The following PHLPP1 variants were observed in gnomAD, a reference collection of about 807,000 sequenced individuals.
PHLPP1 encodes PH domain leucine-rich repeat-containing protein phosphatase 1.
PHLPP1 carries 42 observed loss-of-function variants against 117.2 expected under a neutral mutation model. That is an observed-to-expected ratio of 0.36 (90% CI 0.28 to 0.46). The LOEUF is 0.46. Ranked by LOEUF, PHLPP1 falls within the 20% of genes least tolerant of loss-of-function variation. PHLPP1 has a pLI of 1.00. For missense variants in PHLPP1, 2,084 were observed against 2,241.9 expected (o/e 0.93, Z 1.42); for synonymous variants, 1,042 against 970.7 (o/e 1.07, Z -1.37).
intron 3 of PHLPP1, among the ~76,000 whole-genome samples, chr18:62,851,500 G>A (rs1021908726): frequency 6.6e-6 from 1 of 151,898 alleles, no homozygotes; most frequent in South Asian, 2.1e-4. Context: ...TTGCTCTGTC[G>A]CCTAGGCTGG....
intron 4 of PHLPP1, among the ~76,000 whole-genome samples, chr18:62,864,430 A>C (rs1915718516): frequency 6.6e-6 from 1 of 152,184 alleles, no homozygotes; most frequent in African/African-American, 2.4e-5. Flanking sequence ...TTCCTACCTA[A>C]CTATGAGGGC....
At chr18:62,747,751 C>T (rs1325889010) in intron 1 of PHLPP1, among the ~76,000 whole-genome samples, 1 of 152,094 alleles carries the variant, frequency 6.6e-6, no homozygotes. Flanking sequence ...AACTCCTGGG[C>T]TCAAGTGATC....
chr18:62,771,205 C>A (rs1484303571), intron 1 of PHLPP1, among the ~76,000 whole-genome samples: 1 of 139,376 alleles, frequency 7.2e-6, no homozygotes, highest in Non-Finnish European at 1.5e-5. Context: ...CAGAGTGAGA[C>A]TGTCTCAAAA....
At chr18:62,741,679 G>T (rs1911530349) in intron 1 of PHLPP1, among the ~76,000 whole-genome samples, 1 of 150,668 alleles carries the variant, frequency 6.6e-6, no homozygotes, top group African/African-American at 2.4e-5. Context: ...TTGTTTAATT[G>T]TAATTGTTAT....
rs537482716 is a variant in PHLPP1, at chr18:62,716,990, A to G, written c.1307A>G (p.Glu436Gly). 4.2e-5 allele frequency: 65 copies of G among 1,542,398 alleles called. No homozygotes were observed. In the South Asian group the frequency reaches 7.0e-4, roughly 17 times the overall value. Residue 436 changes from glutamate (E) to glycine (G), a missense_variant, in exon 1 of 17, where the codon GAG becomes GGG. By Grantham distance (98) the Glu-to-Gly change is moderately conservative. Transcript: ENST00000262719. The surrounding 1 kb of genome is among the most constrained non-coding windows in gnomAD (Gnocchi z 5.7). ...PGGAVREGSC[E>G]EKAAAAVAPG... ...GGGGCCGTCCGCGAGGGGTCGTGCG[A>G]GGAGAAGGCAGCGGCAGCCGTGGCC...
chr18:62,821,548 C>CAAAAAAAAAAAAAAAAAAA (rs1568127680), intron 1 of PHLPP1, among the ~76,000 whole-genome samples: 7 of 29,326 alleles, frequency 2.4e-4, no homozygotes, highest in Admixed American at 1.0e-3. Flanking sequence ...GACCCTTTAT[C>CAAAAAAAAAAAAAAAAAAA]CAAAAAAAAA....
At chr18:62,766,026 G>GCTCCA (rs1360450583) in intron 1 of PHLPP1, among the ~76,000 whole-genome samples, 1 of 118,860 alleles carries the variant, frequency 8.4e-6, no homozygotes, top group African/African-American at 3.2e-5. Context: ...GCGCCACTGC[G>GCTCCA]CTCCAGCCTG....
At chr18:62,970,758 C>G (rs1464472905) in intron 14 of PHLPP1, among the ~76,000 whole-genome samples, 1 of 152,028 alleles carries the variant, frequency 6.6e-6, no homozygotes, top group East Asian at 1.9e-4. Flanking sequence ...GAGTGAGACT[C>G]CATCTCAAAA....
At position 62,715,785 on chromosome 18, in the gene PHLPP1, AGCGGCGGCC is replaced by A. The variant is rs953981343; in HGVS notation, c.111_119del (p.Ala38_Ala40del). On this transcript the variant is annotated inframe_deletion, in exon 1 of 17. Transcript: ENST00000262719. ...CCGCCGCTGCGGCAGCAGCAGCAGC[AGCGGCGGCC>A]GCGGCGGCTCTGGCGGCGGCGGCCG... is the stretch of plus-strand genomic sequence containing the variant. The A allele has an allele frequency of 2.1e-4, 144 of 693,254 alleles. No individual in the cohort carries two copies. The highest frequency in any genetic ancestry group is 7.0e-4 in the Middle Eastern group (1 of 1,430). The allele number at this position is 693,254 out of a possible 1,614,324, so 42.9% of individuals were successfully genotyped here.
At position 62,945,288 on chromosome 18, in the gene PHLPP1, C is replaced by G; in HGVS notation, c.3324+17C>G. 1.3e-6 allele frequency: 2 copies of G among 1,580,268 alleles called. No individual in the cohort carries two copies. Among genetic ancestry groups the G allele is most frequent in the Non-Finnish European group, 1.7e-6 (2 of 1,165,394 alleles). On this transcript the variant is annotated intron_variant, in intron 12 of 16. Coordinates refer to ENST00000262719, the MANE Select transcript of PHLPP1 (RefSeq NM_194449.4). ...GAGATCAAGGTATGTGGTTTCATTT[C>G]ATAAACTCTAAGCTTCAGGTCGGCA...
intron 11 of PHLPP1, among the ~76,000 whole-genome samples, chr18:62,943,392 T>G (rs1910187413): frequency 6.6e-6 from 1 of 152,234 alleles, no homozygotes; most frequent in Non-Finnish European, 1.5e-5. Context: ...TCATTTTGTC[T>G]TCACATCTTT....
chr18:62,724,943 A>G (rs950419881), intron 1 of PHLPP1, among the ~76,000 whole-genome samples: 1 of 152,362 alleles, frequency 6.6e-6, no homozygotes, highest in Admixed American at 6.5e-5. Flanking sequence ...TTCTTAGTTC[A>G]TTCAGTACTT....
At chr18:62,875,742 T>G (rs1245478430) in intron 4 of PHLPP1, among the ~76,000 whole-genome samples, 1 of 152,110 alleles carries the variant, frequency 6.6e-6, no homozygotes, top group Non-Finnish European at 1.5e-5. Context: ...AATTTTGTTT[T>G]TTGAGATCAG....
intron 9 of PHLPP1, among the ~76,000 whole-genome samples, chr18:62,918,124 T>C (rs186438443): frequency 7.3e-4 from 109 of 149,250 alleles, no homozygotes; most frequent in African/African-American, 2.6e-3. Context: ...GAGAATCACT[T>C]GAACCCAGGA....
At chr18:62,756,598 C>T (rs1912027449) in intron 1 of PHLPP1, among the ~76,000 whole-genome samples, 1 of 152,184 alleles carries the variant, frequency 6.6e-6, no homozygotes, top group African/African-American at 2.4e-5. Context: ...CTCAGGCAGG[C>T]TTCGCTCTTG....
intron 4 of PHLPP1, among the ~76,000 whole-genome samples, chr18:62,885,297 T>C (rs781770858): frequency 6.6e-6 from 1 of 152,236 alleles, no homozygotes; most frequent in Non-Finnish European, 1.5e-5. Flanking sequence ...CTAATGAGCA[T>C]TGACTCCCAA....
intron 1 of PHLPP1, among the ~76,000 whole-genome samples, chr18:62,733,721 G>A (rs754341651): frequency 6.6e-5 from 10 of 152,180 alleles, no homozygotes; most frequent in Non-Finnish European, 1.2e-4. Flanking sequence ...CATAGTATTC[G>A]CAGGTTACTG....
intron 4 of PHLPP1, among the ~76,000 whole-genome samples, chr18:62,870,691 A>G (rs949307977): frequency 6.6e-6 from 1 of 152,244 alleles, no homozygotes; most frequent in African/African-American, 2.4e-5. Context: ...TCTTAAGCAC[A>G]TATCCCCTTA....
chr18:62,906,552 C>T (rs1322383728), intron 8 of PHLPP1, among the ~76,000 whole-genome samples: 2 of 125,110 alleles, frequency 1.6e-5, no homozygotes, highest in African/African-American at 6.1e-5. Context: ...GACGGACGCA[C>T]CTGGAAAATC....
Sources: gnomAD v4.1 joint callset for allele counts (sites outside exome capture counted in the v4.1 genomes callset) on GRCh38, gnomAD v4.1.1 for gene constraint, Gnocchi (gnomAD v3.1) non-coding constraint, MANE v1.5 for transcripts, NCBI Gene and HGNC (gene_info 2026-07-23, HGNC 2026-07-21) for gene names.